Variants in PDE3A observed in about 807,000 individuals in gnomAD.
PDE3A encodes cGMP-inhibited 3',5'-cyclic phosphodiesterase 3A.
Under a neutral mutation model 98.3 loss-of-function variants are expected in PDE3A, and 43 were observed. The ratio of observed to expected loss-of-function variants is 0.44; its 90% CI spans 0.34 to 0.56. The LOEUF (loss-of-function observed/expected upper bound fraction) is 0.56. Among genes scored for constraint, PDE3A ranks in the 20% least tolerant of loss-of-function variants. The probability of loss-of-function intolerance (pLI) is 0.01; values close to 1 mark genes in which losing one functional copy is unlikely to be tolerated. For synonymous variants in PDE3A, 663 were observed against 567.9 expected, an observed-to-expected ratio of 1.17 and a Z score of -2.38; for missense variants, 1,427 against 1,440.7, an observed-to-expected ratio of 0.99 and a Z score of 0.15.
chr12:20,640,665 A>G (rs570554661), intron 10 of PDE3A, among the ~76,000 whole-genome samples: 11 of 152,206 alleles, frequency 7.2e-5, no homozygotes, highest in Middle Eastern at 3.4e-3. Context: ...AACACAGAGG[A>G]GATGTTAAAT....
At chr12:20,640,850 TAATC>T (rs764294841) in intron 10 of PDE3A, among the ~76,000 whole-genome samples, 4 of 151,294 alleles carry the variant, frequency 2.6e-5, no homozygotes, top group Admixed American at 6.6e-5. Flanking sequence ...GAAAGAAAAA[TAATC>T]AAACATAATA....
chr12:20,574,076 TCAC>T (rs1565593340), intron 2 of PDE3A, among the ~76,000 whole-genome samples: 1 of 152,104 alleles, frequency 6.6e-6, no homozygotes, highest in Non-Finnish European at 1.5e-5. Context: ...GCTTTCTACT[TCAC>T]CACATTTGCA....
chr12:20,619,979 G>A (rs1944095304), intron 4 of PDE3A, among the ~76,000 whole-genome samples: 2 of 152,022 alleles, frequency 1.3e-5, no homozygotes, highest in Non-Finnish European at 2.9e-5. Flanking sequence ...TAAGACCCAT[G>A]CTTAGCATTC....
chr12:20,435,641 G>A (rs10841523), intron 1 of PDE3A, among the ~76,000 whole-genome samples: 45,855 of 151,960 alleles, frequency 0.3, 8,638 homozygotes, highest in East Asian at 0.64. Flanking sequence ...GAGGCCATGC[G>A]TAAGTCGCTT....
rs116001249 is a variant in PDE3A, at chr12:20,412,139, G to A, written c.960+41895G>A. Among the ~76,000 whole-genome samples, 720 of 152,264 alleles carry A rather than the reference G, an allele frequency of 4.7e-3. 6 individuals carry two copies. The highest frequency in any genetic ancestry group is 0.016 in the African/African-American group (684 of 41,554). On this transcript the variant is annotated intron_variant, in intron 1 of 15. Coordinates refer to ENST00000359062, the MANE Select transcript of PDE3A (RefSeq NM_000921.5). The stretch of plus-strand genomic sequence containing the variant: ...AATTTTAAACACTGTTGTTGACTGT[G>A]TTGTACTGGTTAGAAGCCATATTAA...
Position 20,621,530 on chromosome 12 carries a change from A to G in PDE3A, c.1540+119A>G, listed in dbSNP as rs10743381. The G allele has an allele frequency of 0.99, 594,853 of 598,636 alleles. 295,643 individuals carry two copies. The highest frequency in any genetic ancestry group is 1 in the East Asian group (35,010 of 35,010). 37.1% of individuals were successfully genotyped at this position (598,636 alleles called of 1,614,324 possible). A position where few individuals can be genotyped will look rare whatever the true frequency, so the allele number is the denominator to read the frequency against. ...ATATTCAGATATGTTTGGTTTGTCT[A>G]TTCTAATAACCAATTAGTTATTTTT... On this transcript the variant is annotated intron_variant, in intron 5 of 15. Coordinates refer to ENST00000359062, the MANE Select transcript of PDE3A (RefSeq NM_000921.5).
intron 1 of PDE3A, among the ~76,000 whole-genome samples, chr12:20,377,328 T>C (rs1943590108): frequency 6.6e-6 from 1 of 151,864 alleles, no homozygotes; most frequent in African/African-American, 2.4e-5. Flanking sequence ...TGAATTATAA[T>C]AATATGCTTT....
At position 20,648,741 on chromosome 12, in the gene PDE3A, A is replaced by C. The variant is rs775324315; in HGVS notation, c.2619A>C (p.Ala873=). The C allele has an allele frequency of 6.2e-7, 1 of 1,613,210 alleles. No homozygotes were observed. Among genetic ancestry groups the C allele is most frequent in the African/African-American group, 1.3e-5 (1 of 74,892 alleles). The change falls in exon 13 of 16, where the codon GCA becomes GCC. Residue 873 remains alanine (A), a synonymous_variant. Coordinates refer to ENST00000359062, the MANE Select transcript of PDE3A (RefSeq NM_000921.5). The part of the protein sequence containing the change: ...SVLENHHAAA[A]WNLFMSRPEY... Reference sequence around the variant, plus strand: ...TGGAGAATCATCACGCAGCTGCTGCATGGAATCTTTTCATGTCCCGGCCAG... The same window carrying C: ...TGGAGAATCATCACGCAGCTGCTGCCTGGAATCTTTTCATGTCCCGGCCAG...
Position 20,648,763 on chromosome 12 carries a change from C to T in PDE3A, c.2641C>T (p.Pro881Ser), listed in dbSNP as rs761817670. The T allele has an allele frequency of 1.9e-6, 3 of 1,612,494 alleles. No homozygotes were observed. In the South Asian group the frequency reaches 3.3e-5, roughly 18 times the overall value. Residue 881 changes from proline to serine, a missense_variant, in exon 13 of 16, where the codon CCA (proline) becomes TCA (serine). Transcript: ENST00000359062. ...TGCATGGAATCTTTTCATGTCCCGG[C>T]CAGAGTATAACTTCTTAATTAACCT... ...AAAWNLFMSR[P>S]EYNFLINLDH...
intron 14 of PDE3A, among the ~76,000 whole-genome samples, chr12:20,653,462 A>C (rs1387538548): frequency 6.6e-6 from 1 of 152,010 alleles, no homozygotes; most frequent in Non-Finnish European, 1.5e-5. Flanking sequence ...TCCTGGGTTC[A>C]AGTGATTCTC....
chr12:20,434,899 A>G (rs1944755649), intron 1 of PDE3A, among the ~76,000 whole-genome samples: 1 of 152,216 alleles, frequency 6.6e-6, no homozygotes, highest in Admixed American at 6.5e-5. Context: ...TATCCCAAGG[A>G]TTAAAAACTT....
intron 1 of PDE3A, among the ~76,000 whole-genome samples, chr12:20,464,325 T>A (rs1945302697): frequency 6.6e-6 from 1 of 152,194 alleles, no homozygotes; most frequent in Non-Finnish European, 1.5e-5. Context: ...CCCTTCAAAA[T>A]GAGGGTTATA....
At chr12:20,467,130 T>C (rs552598618) in intron 1 of PDE3A, among the ~76,000 whole-genome samples, 119 of 152,280 alleles carry the variant, frequency 7.8e-4, no homozygotes, top group African/African-American at 2.8e-3. Context: ...TTCTATCTAA[T>C]TGGGAGTGAA....
In PDE3A at chr12:20,370,026, G is replaced by A. The variant is rs780106095; in HGVS notation, c.742G>A (p.Gly248Arg). The A allele has an allele frequency of 1.2e-6, 2 of 1,613,098 alleles. No individual in the cohort carries two copies. Among genetic ancestry groups the A allele is most frequent in the Non-Finnish European group, 1.7e-6 (2 of 1,179,942 alleles). ...CCTGGCGTACCTGGCCGGCGTGCTGGGGATCCTCTTGGCCAGGTACGTGGA... is the reference window on the plus strand; with the variant it reads ...CCTGGCGTACCTGGCCGGCGTGCTGAGGATCCTCTTGGCCAGGTACGTGGA... ...PYLAYLAGVL[G>R]ILLARYVEQI... is the part of the protein sequence containing the mutation. The change falls in exon 1 of 16, where the codon GGG (glycine) becomes AGG (arginine). Residue 248 changes from glycine to arginine, a missense_variant. Coordinates refer to ENST00000359062, the MANE Select transcript of PDE3A (RefSeq NM_000921.5).
intron 2 of PDE3A, among the ~76,000 whole-genome samples, chr12:20,557,548 G>A (rs975910232): frequency 6.6e-6 from 1 of 152,136 alleles, no homozygotes; most frequent in African/African-American, 2.4e-5. Flanking sequence ...ATTACAAAGG[G>A]CAGTTGAATG....
intron 1 of PDE3A, among the ~76,000 whole-genome samples, chr12:20,444,541 CTA>C (rs1944922542): frequency 6.6e-6 from 1 of 152,208 alleles, no homozygotes; most frequent in South Asian, 2.1e-4. Context: ...CTGTCAGTCT[CTA>C]TGTTCCCTAT....
At chr12:20,400,142 G>C (rs1419080402) in intron 1 of PDE3A, among the ~76,000 whole-genome samples, 1 of 152,024 alleles carries the variant, frequency 6.6e-6, no homozygotes, top group Non-Finnish European at 1.5e-5. Flanking sequence ...CAGGAGCCAG[G>C]GATGCAGGTG....
intron 1 of PDE3A, among the ~76,000 whole-genome samples, chr12:20,455,296 T>C (rs1945135719): frequency 6.6e-6 from 1 of 152,228 alleles, no homozygotes. Context: ...TTGCCCACTT[T>C]TTAATGGAGT....
At chr12:20,523,193 T>C (rs941074801) in intron 1 of PDE3A, among the ~76,000 whole-genome samples, 3 of 152,168 alleles carry the variant, frequency 2.0e-5, no homozygotes, top group African/African-American at 7.2e-5. Context: ...GTTTAATGCC[T>C]TCCTTGAAGT....
Sources: allele counts gnomAD v4.1 joint callset (sites outside exome capture counted in the v4.1 genomes callset), GRCh38; gene constraint gnomAD v4.1.1; transcripts MANE v1.5; gene names NCBI Gene and HGNC (gene_info 2026-07-23, HGNC 2026-07-21).